The following ALPK2 variants were observed in gnomAD, a reference collection of about 807,000 sequenced individuals.
ALPK2 encodes the protein alpha kinase 2.
In ALPK2, 127 loss-of-function variants were observed where a neutral mutation model predicts 163.1. The observed-to-expected ratio is 0.78, with a 90% confidence interval of 0.67 to 0.90. ALPK2 has a LOEUF of 0.90. Ranked by LOEUF, ALPK2 falls within the 40% of genes least tolerant of loss-of-function variation. The probability of loss-of-function intolerance (pLI) is 0.00; values close to 1 mark genes in which losing one functional copy is unlikely to be tolerated. For missense variants in ALPK2, 2,360 were observed against 2,589.6 expected, an observed-to-expected ratio of 0.91 and a Z score of 1.92; for synonymous variants, 953 against 959.1, an observed-to-expected ratio of 0.99 and a Z score of 0.12.
chr18:58,616,274 A>G (rs1340014336), intron 1 of ALPK2, among the ~76,000 whole-genome samples: 2 of 152,060 alleles, frequency 1.3e-5, no homozygotes, highest in Admixed American at 6.5e-5. Flanking sequence ...AGTCCTTGTT[A>G]TAATGTTGGG....
At chr18:58,526,935 A>G (rs1363530704) in intron 6 of ALPK2, among the ~76,000 whole-genome samples, 1 of 152,252 alleles carries the variant, frequency 6.6e-6, no homozygotes, top group East Asian at 1.9e-4. Flanking sequence ...TTTAAGTTAC[A>G]GGTTAACTTT....
intron 10 of ALPK2, among the ~76,000 whole-genome samples, chr18:58,510,906 A>G (rs371191865): frequency 4.6e-5 from 7 of 152,260 alleles, no homozygotes; most frequent in Middle Eastern, 3.4e-3. Flanking sequence ...GCCCTGGCCA[A>G]AACTTCCAAC....
At chr18:58,609,764 C>T (rs1335928609) in intron 2 of ALPK2, among the ~76,000 whole-genome samples, 1 of 152,174 alleles carries the variant, frequency 6.6e-6, no homozygotes, top group Non-Finnish European at 1.5e-5. Flanking sequence ...TACTGTGGGT[C>T]ATACATTGAG....
intron 3 of ALPK2, among the ~76,000 whole-genome samples, chr18:58,605,936 A>C (rs1430869768): frequency 6.6e-6 from 1 of 152,252 alleles, no homozygotes; most frequent in African/African-American, 2.4e-5. Flanking sequence ...AATGCTTGGC[A>C]TATGTAGGTG....
At chr18:58,503,158 T>C (rs534362680) in intron 11 of ALPK2, among the ~76,000 whole-genome samples, 1 of 152,404 alleles carries the variant, frequency 6.6e-6, no homozygotes, top group African/African-American at 2.4e-5. Flanking sequence ...AGAAATGGTA[T>C]TCCTAAACAA....
chr18:58,624,453 T>C (rs985809512), intron 1 of ALPK2, among the ~76,000 whole-genome samples: 3 of 151,318 alleles, frequency 2.0e-5, no homozygotes, highest in Admixed American at 6.6e-5. Context: ...TTCTTTCTTT[T>C]TTTTTTTTTT....
chr18:58,625,303 G>T (rs2052224082), intron 1 of ALPK2, among the ~76,000 whole-genome samples: 1 of 152,168 alleles, frequency 6.6e-6, no homozygotes, highest in Non-Finnish European at 1.5e-5. Flanking sequence ...GGCACCTGAT[G>T]GGTTAACCTT....
At chr18:58,587,503 AG>A (rs1359531891) in intron 3 of ALPK2, among the ~76,000 whole-genome samples, 1 of 152,236 alleles carries the variant, frequency 6.6e-6, no homozygotes, top group Non-Finnish European at 1.5e-5. Context: ...ATGTCTAAAG[AG>A]CTGAAAAAAA....
intron 4 of ALPK2, among the ~76,000 whole-genome samples, chr18:58,542,820 A>G (rs1319246018): frequency 6.6e-6 from 1 of 152,126 alleles, no homozygotes; most frequent in African/African-American, 2.4e-5. Context: ...GTGGGTGTGC[A>G]GGGGAGTCTG....
chr18:58,618,838 A>G (rs770985177), intron 1 of ALPK2, among the ~76,000 whole-genome samples: 26 of 151,734 alleles, frequency 1.7e-4, no homozygotes, highest in Middle Eastern at 3.4e-3. Flanking sequence ...AGCAAGTCGC[A>G]TGGCTGCTGT....
Position 58,494,109 on chromosome 18 carries a change from G to A in ALPK2, c.6296+3940C>T, listed in dbSNP as rs141082609. Among the ~76,000 whole-genome samples the A allele has an allele frequency of 2.4e-3, 365 of 152,234 alleles. 3 individuals carry two copies. Among genetic ancestry groups the A allele is most frequent in the East Asian group, 2.3e-3 (12 of 5,184 alleles). On this transcript the variant is annotated intron_variant, in intron 12 of 12. Coordinates refer to ENST00000361673, the MANE Select transcript of ALPK2 (RefSeq NM_052947.4). ...ATCGGTCTGGAGTTGGTTAGGTTAC[G>A]TTTCCAAATCTCCAGTTATAAAATT...
chr18:58,604,264 G>T (rs1209054402), intron 3 of ALPK2, among the ~76,000 whole-genome samples: 1 of 152,180 alleles, frequency 6.6e-6, no homozygotes, highest in Non-Finnish European at 1.5e-5. Flanking sequence ...TAATCCAGGG[G>T]TTGACGGTAT....
chr18:58,540,649 A>G (rs893269412), intron 4 of ALPK2, among the ~76,000 whole-genome samples: 4 of 152,162 alleles, frequency 2.6e-5, no homozygotes, highest in Non-Finnish European at 4.4e-5. Context: ...GTATAGAGAG[A>G]CTGCCCCATC....
Position 58,503,814 on chromosome 18 carries a change from A to G in ALPK2, c.6247+117T>C, listed in dbSNP as rs2051446049. ...CATCAGTAACAGCTTCTGCAGGTAA[A>G]GGTGTTTCAAGGTACCCAGCAGGCC... On this transcript the variant is annotated intron_variant, in intron 11 of 12. Coordinates refer to ENST00000361673, the MANE Select transcript of ALPK2 (RefSeq NM_052947.4). The G allele has an allele frequency of 5.9e-6, 5 of 847,914 alleles. No homozygotes were observed. The Admixed American group carries it at 1.2e-4, about 21-fold the overall frequency. 52.5% of individuals were successfully genotyped at this position (847,914 alleles called of 1,614,324 possible). A position where few individuals can be genotyped will look rare whatever the true frequency, so the allele number is the denominator to read the frequency against.
rs2051373761 is a variant in ALPK2, at chr18:58,491,284, A to G, written c.6296+6765T>C. ...GTTTGACTTTGAAACAAAGACGGTA[A>G]CAGCCCTTTCCCAAAACAAACTCCC... On this transcript the variant is annotated intron_variant, in intron 12 of 12. Transcript: ENST00000361673. Among the ~76,000 whole-genome samples the G allele has an allele frequency of 1.3e-5, 2 of 152,230 alleles. 1 individual carries two copies. Among genetic ancestry groups the G allele is most frequent in the South Asian group, 4.1e-4 (2 of 4,828 alleles).
At chr18:58,621,278 CTTT>C (rs142114746) in intron 1 of ALPK2, among the ~76,000 whole-genome samples, 5 of 143,794 alleles carry the variant, frequency 3.5e-5, no homozygotes, top group Admixed American at 7.0e-5. Context: ...TGATCACTTT[CTTT>C]TTTTTTTTTT....
intron 4 of ALPK2, among the ~76,000 whole-genome samples, chr18:58,573,613 C>CTTTTTTTTTTTTTTTTT (rs778622176): frequency 2.4e-3 from 122 of 51,734 alleles, no homozygotes; most frequent in East Asian, 5.7e-3. Flanking sequence ...TTTTTGTCTT[C>CTTTTTTTTTTTTTTTTT]TTTTTTTTTT....
rs2051504735 is a variant in ALPK2, at chr18:58,513,383, A to G, written c.6029+1610T>C. Among the ~76,000 whole-genome samples the G allele has an allele frequency of 1.3e-5, 2 of 152,148 alleles. 1 individual carries two copies. The highest frequency in any genetic ancestry group is 4.1e-4 in the South Asian group (2 of 4,830). On this transcript the variant is annotated intron_variant, in intron 10 of 12. Coordinates refer to ENST00000361673, the MANE Select transcript of ALPK2 (RefSeq NM_052947.4). Reference sequence around the variant, plus strand: ...CTCCTCCCATGTACCGTCAGCATTCATGTGGTCACAAACTGTCCCCTTGTA... The same window carrying G: ...CTCCTCCCATGTACCGTCAGCATTCGTGTGGTCACAAACTGTCCCCTTGTA...
chr18:58,512,826 GGTGTGT>G (rs200994285), intron 10 of ALPK2, among the ~76,000 whole-genome samples: 7 of 140,166 alleles, frequency 5.0e-5, no homozygotes, highest in East Asian at 2.1e-4. Context: ...GCATGTATGA[GGTGTGT>G]GTGTGTGTGT....
Sources: allele counts gnomAD v4.1 joint callset (sites outside exome capture counted in the v4.1 genomes callset), GRCh38; gene constraint gnomAD v4.1.1; transcripts MANE v1.5; gene names NCBI Gene and HGNC (gene_info 2026-07-23, HGNC 2026-07-21).